Variants in PPARGC1A observed in about 807,000 individuals in gnomAD.
PPARGC1A encodes PPARG coactivator 1 alpha.
Under a neutral mutation model 88.7 loss-of-function variants are expected in PPARGC1A, and 25 were observed. The ratio of observed to expected loss-of-function variants is 0.28; its 90% CI spans 0.21 to 0.39. PPARGC1A has a LOEUF of 0.39. Among genes scored for constraint, PPARGC1A ranks in the 10% least tolerant of loss-of-function variants. The pLI, the probability that PPARGC1A is intolerant of heterozygous loss-of-function variation, is 1.00. For missense variants in PPARGC1A, 880 were observed against 968.7 expected, an observed-to-expected ratio of 0.91 and a Z score of 1.22; for synonymous variants, 363 against 355.6, an observed-to-expected ratio of 1.02 and a Z score of -0.24.
the PPARGC1A span, among the ~76,000 whole-genome samples, chr4:24,050,797 T>C: frequency 6.6e-6 from 1 of 152,186 alleles, no homozygotes; most frequent in East Asian, 1.9e-4. Context: ...TAATTACTCA[T>C]TGAATTGACA....
At chr4:23,998,727 G>C in the PPARGC1A span, among the ~76,000 whole-genome samples, 1 of 152,070 alleles carries the variant, frequency 6.6e-6, no homozygotes, top group Non-Finnish European at 1.5e-5. Flanking sequence ...AATATGTATG[G>C]CTTTATTGAC....
the PPARGC1A span, among the ~76,000 whole-genome samples, chr4:24,115,810 G>C: frequency 3.3e-5 from 5 of 152,082 alleles, no homozygotes; most frequent in South Asian, 1.0e-3. Flanking sequence ...CTTCCTCTCT[G>C]ATAAGATCAG....
At chr4:24,008,584 C>A in the PPARGC1A span, among the ~76,000 whole-genome samples, 1 of 152,198 alleles carries the variant, frequency 6.6e-6, no homozygotes, top group Admixed American at 6.5e-5. Context: ...AGCTAAACGC[C>A]AATACCTATA....
At chr4:24,324,638 T>G in the PPARGC1A span, among the ~76,000 whole-genome samples, 1 of 152,180 alleles carries the variant, frequency 6.6e-6, no homozygotes, top group Non-Finnish European at 1.5e-5. Context: ...TAGTTCCAAA[T>G]AGCCGGAAAA....
At chr4:23,827,006 C>T (rs1408437083) in intron 5 of PPARGC1A, among the ~76,000 whole-genome samples, 1 of 152,096 alleles carries the variant, frequency 6.6e-6, no homozygotes, top group African/African-American at 2.4e-5. Flanking sequence ...CTCACTAGAG[C>T]GAGCTCATCT....
the PPARGC1A span, among the ~76,000 whole-genome samples, chr4:24,317,555 TAAAAAAAAAAAAAAAAAAAAAAAAAAA>T: frequency 2.0e-3 from 44 of 22,224 alleles, no homozygotes; most frequent in Admixed American, 4.0e-3. Flanking sequence ...TTCAGAGGAC[TAAAAAAAAAAAAAAAAAAAAAAAAAAA>T]AAAAAAAAAA....
the PPARGC1A span, among the ~76,000 whole-genome samples, chr4:24,221,184 A>T: frequency 6.6e-6 from 1 of 152,146 alleles, no homozygotes; most frequent in Non-Finnish European, 1.5e-5. Context: ...AAAAGATAAA[A>T]TGTTTCCCTC....
chr4:24,235,635 A>G, the PPARGC1A span, among the ~76,000 whole-genome samples: 481 of 152,362 alleles, frequency 3.2e-3, 3 homozygotes, highest in Non-Finnish European at 5.9e-3. Flanking sequence ...CACCAAATCA[A>G]TAATGGCAGA....
rs543704872 is a variant in PPARGC1A at position 23,897,521 on chromosome 4, C to T, written n.52+1746G>A. On this transcript the variant is annotated intron_variant and non_coding_transcript_variant, in intron 1 of 3. Coordinates refer to the PPARGC1A transcript ENST00000507342. The stretch of plus-strand genomic sequence containing the variant: ...AAAGATCTCTGCCAGATCTAAAATG[C>T]AGTGATGTGCCTGTCTTGACAGAGA... 7.2e-5 allele frequency among the ~76,000 whole-genome samples: 11 copies of T among 152,274 alleles called. No homozygotes were observed. The South Asian group carries it at 2.3e-3, about 32-fold the overall frequency.
chr4:24,023,357 T>G, the PPARGC1A span, among the ~76,000 whole-genome samples: 3 of 152,094 alleles, frequency 2.0e-5, no homozygotes, highest in Admixed American at 2.0e-4. Context: ...AGTTGAAGCC[T>G]AAGTTAACAG....
At chr4:23,831,353 C>T (rs1051965257) in intron 3 of PPARGC1A, 1 of 410,166 alleles carries the variant, frequency 2.4e-6, no homozygotes, top group Non-Finnish European at 4.3e-6. Flanking sequence ...GTAAAAAAAA[C>T]TGCAATAAGA....
chr4:24,387,761 AGAGAG>A, the PPARGC1A span, among the ~76,000 whole-genome samples: 4 of 83,364 alleles, frequency 4.8e-5, no homozygotes, highest in African/African-American at 1.9e-4. Context: ...AGAGAGAGAG[AGAGAG>A]AGAAAGAAAG....
At chr4:24,177,608 T>G in the PPARGC1A span, among the ~76,000 whole-genome samples, 1 of 145,044 alleles carries the variant, frequency 6.9e-6, no homozygotes, top group African/African-American at 2.6e-5. Flanking sequence ...ACCCTAGAAC[T>G]TCAAGTATAA....
chr4:24,463,261 A>G, the PPARGC1A span, among the ~76,000 whole-genome samples: 1 of 152,248 alleles, frequency 6.6e-6, no homozygotes. Flanking sequence ...AAATTAAATG[A>G]TCCACTCAGC....
chr4:23,911,818 C>T, the PPARGC1A span, among the ~76,000 whole-genome samples: 1 of 152,088 alleles, frequency 6.6e-6, no homozygotes, highest in Non-Finnish European at 1.5e-5. Context: ...TACTTCTTAA[C>T]CTATTCTTAT....
chr4:24,245,480 A>G, the PPARGC1A span, among the ~76,000 whole-genome samples: 1 of 152,226 alleles, frequency 6.6e-6, no homozygotes, highest in East Asian at 1.9e-4. Flanking sequence ...TCAATTTTCC[A>G]TCATCTTTTT....
At chr4:24,133,844 C>A in the PPARGC1A span, among the ~76,000 whole-genome samples, 6 of 152,274 alleles carry the variant, frequency 3.9e-5, no homozygotes, top group East Asian at 9.6e-4. Context: ...TTGCTAGGTG[C>A]TCCTTCTACT....
chr4:24,068,223 G>A, the PPARGC1A span, among the ~76,000 whole-genome samples: 1 of 151,988 alleles, frequency 6.6e-6, no homozygotes, highest in Non-Finnish European at 1.5e-5. Flanking sequence ...GAATGATGAT[G>A]GCTCCTAGTT....
chr4:24,175,755 C>T, the PPARGC1A span, among the ~76,000 whole-genome samples: 48 of 151,502 alleles, frequency 3.2e-4, no homozygotes, highest in Non-Finnish European at 4.6e-4. Context: ...ATAGCTCCAA[C>T]GTAACCATAA....
Sources: allele counts gnomAD v4.1 joint callset (sites outside exome capture counted in the v4.1 genomes callset), GRCh38; gene constraint gnomAD v4.1.1; transcripts MANE v1.5; gene names NCBI Gene and HGNC (gene_info 2026-07-23, HGNC 2026-07-21).